Variants in ADGRG6 observed in about 807,000 individuals in gnomAD.
The protein encoded by ADGRG6 is adhesion G protein-coupled receptor G6, also known as G-protein coupled receptor 126.
Under a neutral mutation model 142.4 loss-of-function variants are expected in ADGRG6, and 84 were observed. That is an observed-to-expected ratio of 0.59 (90% CI 0.49 to 0.71). ADGRG6 has a LOEUF of 0.71. Among genes scored for constraint, ADGRG6 ranks in the 30% least tolerant of loss-of-function variants. ADGRG6 has a pLI of 0.00. For missense variants in ADGRG6, 1,367 were observed against 1,466.6 expected, an observed-to-expected ratio of 0.93 and a Z score of 1.11; for synonymous variants, 521 against 520.5, an observed-to-expected ratio of 1.00 and a Z score of -0.01.
At chr6:142,423,240 C>T (rs1304684434) in intron 22 of ADGRG6, among the ~76,000 whole-genome samples, 5 of 142,528 alleles carry the variant, frequency 3.5e-5, no homozygotes, top group Admixed American at 3.5e-4. Flanking sequence ...AGTCCTTGCC[C>T]ATGCCTATGT....
intron 10 of ADGRG6, among the ~76,000 whole-genome samples, chr6:142,398,503 G>C (rs1775324124): frequency 6.6e-6 from 1 of 152,108 alleles, no homozygotes; most frequent in South Asian, 2.1e-4. Flanking sequence ...ACAGGACTAG[G>C]TCATGAATGT....
intron 1 of ADGRG6, among the ~76,000 whole-genome samples, chr6:142,307,832 C>T (rs1236086808): frequency 6.6e-6 from 1 of 151,950 alleles, no homozygotes; most frequent in Non-Finnish European, 1.5e-5. Context: ...TAACCTTTTC[C>T]TGGTTTCGAA....
intron 2 of ADGRG6, among the ~76,000 whole-genome samples, chr6:142,354,513 A>T (rs1027461518): frequency 6.6e-6 from 1 of 152,220 alleles, no homozygotes; most frequent in Non-Finnish European, 1.5e-5. Context: ...TGTTTTGGCC[A>T]GGAGTTTAGC....
At chr6:142,335,657 T>G (rs1291910722) in intron 2 of ADGRG6, among the ~76,000 whole-genome samples, 1 of 152,038 alleles carries the variant, frequency 6.6e-6, no homozygotes, top group Non-Finnish European at 1.5e-5. Context: ...AGGATGAATC[T>G]GCAATCATGA....
chr6:142,323,416 T>TAATCTAA (rs1218400195), intron 2 of ADGRG6, among the ~76,000 whole-genome samples: 1 of 152,066 alleles, frequency 6.6e-6, no homozygotes, highest in Non-Finnish European at 1.5e-5. Context: ...TCCTTAGTTT[T>TAATCTAA]ATACATTTAG....
chr6:142,443,283 G>GCC, intron 24 of ADGRG6, 54 bp from the exon 25 acceptor site: 1 of 1,229,978 alleles, frequency 8.1e-7, no homozygotes, highest in Non-Finnish European at 1.2e-6. Flanking sequence ...ATGGTGGCCT[G>GCC]TAGGCATGCC....
intron 22 of ADGRG6, among the ~76,000 whole-genome samples, chr6:142,427,008 T>C (rs1419783233): frequency 2.0e-5 from 3 of 152,196 alleles, no homozygotes; most frequent in Non-Finnish European, 2.9e-5. Flanking sequence ...CCTCCAGGTC[T>C]GTGATGGGAA....
At chr6:142,419,403 C>G (rs1041110999) in intron 21 of ADGRG6, among the ~76,000 whole-genome samples, 1 of 152,134 alleles carries the variant, frequency 6.6e-6, no homozygotes, top group African/African-American at 2.4e-5. Flanking sequence ...ACTTCTACTT[C>G]CATATCACTT....
At chr6:142,400,334 C>T (rs573977702) in intron 10 of ADGRG6, 151 bp from the exon 11 acceptor site, 18 of 495,714 alleles carry the variant, frequency 3.6e-5, no homozygotes, top group Admixed American at 2.8e-4. Context: ...TTTTTTTTTA[C>T]AAATTCTGAA....
intron 4 of ADGRG6, among the ~76,000 whole-genome samples, chr6:142,378,924 A>T (rs567644865): frequency 6.6e-6 from 1 of 152,288 alleles, no homozygotes; most frequent in East Asian, 1.9e-4. Context: ...TTAAGTCTAT[A>T]GCTCTTTTTC....
intron 2 of ADGRG6, among the ~76,000 whole-genome samples, chr6:142,348,382 A>C (rs1238630558): frequency 6.6e-6 from 1 of 152,198 alleles, no homozygotes; most frequent in Admixed American, 6.5e-5. Context: ...TAAGCATGAG[A>C]TAGGTCATTT....
At chr6:142,395,690 T>C (rs1775150391) in intron 9 of ADGRG6, among the ~76,000 whole-genome samples, 1 of 152,196 alleles carries the variant, frequency 6.6e-6, no homozygotes, top group South Asian at 2.1e-4. Context: ...TGGTATGAAC[T>C]CTTGCCATTA....
At chr6:142,432,218 C>A (rs1483006139) in intron 22 of ADGRG6, among the ~76,000 whole-genome samples, 2 of 152,130 alleles carry the variant, frequency 1.3e-5, no homozygotes, top group Non-Finnish European at 2.9e-5. Context: ...TGCACTGTTA[C>A]AGATCCAGAT....
At chr6:142,323,577 G>T (rs1778621492) in intron 2 of ADGRG6, among the ~76,000 whole-genome samples, 1 of 152,062 alleles carries the variant, frequency 6.6e-6, no homozygotes, top group Non-Finnish European at 1.5e-5. Flanking sequence ...AACGACAAAG[G>T]TATGTTCTAA....
At position 142,444,450 on chromosome 6, in the gene ADGRG6, G is replaced by C. The variant is rs953146321; in HGVS notation, c.*935G>C. On this transcript the variant is annotated 3_prime_UTR_variant, in exon 25 of 25. Coordinates refer to ENST00000367609, the MANE Select transcript of ADGRG6 (RefSeq NM_198569.3). Reference sequence around the variant, plus strand: ...ACTCTCTGGTTCTGTCCTTGCTTTGGAGACTTTAAGACATTTCCTAAAGCA... The same window carrying C: ...ACTCTCTGGTTCTGTCCTTGCTTTGCAGACTTTAAGACATTTCCTAAAGCA... 1.3e-5 allele frequency: 2 copies of C among 152,170 alleles called. No homozygotes were observed. The highest frequency in any genetic ancestry group is 2.9e-5 in the Non-Finnish European group (2 of 68,022). 9.4% of individuals were successfully genotyped at this position (152,170 alleles called of 1,614,324 possible). A position where few individuals can be genotyped will look rare whatever the true frequency, so the allele number is the denominator to read the frequency against.
chr6:142,419,944 G>A lies in ADGRG6; in HGVS notation c.3159G>A (p.Lys1053=). 6.2e-7 allele frequency: 1 copy of A among 1,613,564 alleles called. No individual in the cohort carries two copies. Among genetic ancestry groups the A allele is most frequent in the Non-Finnish European group, 8.5e-7 (1 of 1,179,622 alleles). The change falls in exon 22 of 25, where the codon AAG becomes AAA. Residue 1053 remains lysine, a synonymous_variant. Transcript: ENST00000367609. Reference sequence around the variant, plus strand: ...TGCAGATCTGTGGGAGGAATGGCAAGAGAAGCAACCGGACCCTGAGAGAAG... The same window carrying A: ...TGCAGATCTGTGGGAGGAATGGCAAAAGAAGCAACCGGACCCTGAGAGAAG... ...VMVQICGRNG[K]RSNRTLREEV...
Position 142,305,116 on chromosome 6 carries a change from C to T in ADGRG6, c.2+2785C>T, listed in dbSNP as rs535096267. 2.6e-5 allele frequency among the ~76,000 whole-genome samples: 4 copies of T among 151,754 alleles called. No homozygotes were observed. The East Asian group carries it at 5.8e-4, about 22-fold the overall frequency. On this transcript the variant is annotated intron_variant, in intron 1 of 24. Transcript: ENST00000367609. ...TAGAAAACCATACAAATGACTTGAACATGACAATCCAAATAAAGGAAATTC... is the reference window on the plus strand; with the variant it reads ...TAGAAAACCATACAAATGACTTGAATATGACAATCCAAATAAAGGAAATTC...
intron 14 of ADGRG6, 195 bp downstream of exon 14, chr6:142,404,168 G>A (rs931583083): frequency 3.2e-5 from 18 of 555,890 alleles, no homozygotes; most frequent in African/African-American, 2.5e-4. Flanking sequence ...CATAATCTGG[G>A]TGACAGGGGT....
At chr6:142,329,512 T>G (rs1173525028) in intron 2 of ADGRG6, among the ~76,000 whole-genome samples, 1 of 152,078 alleles carries the variant, frequency 6.6e-6, no homozygotes, top group East Asian at 1.9e-4. Flanking sequence ...GCCTTTTGCA[T>G]CTATTTTGTT....
Sources: gnomAD v4.1 joint callset for allele counts (sites outside exome capture counted in the v4.1 genomes callset) on GRCh38, gnomAD v4.1.1 for gene constraint, MANE v1.5 for transcripts, NCBI Gene and HGNC (gene_info 2026-07-23, HGNC 2026-07-21) for gene names.